The following PEPD variants were observed in gnomAD, a reference collection of about 807,000 sequenced individuals.
PEPD encodes the protein peptidase D, also known as xaa-Pro dipeptidase.
In PEPD, 53 loss-of-function variants were observed where a neutral mutation model predicts 60.7. The ratio of observed to expected loss-of-function variants is 0.87; its 90% CI spans 0.70 to 1.10. The LOEUF is 1.10. Among genes scored for constraint, PEPD ranks in the 50% least tolerant of loss-of-function variants. PEPD has a pLI of 0.00. For missense variants in PEPD, 711 were observed against 711.9 expected, an observed-to-expected ratio of 1.00 and a Z score of 0.01; for synonymous variants, 267 against 284.1, an observed-to-expected ratio of 0.94 and a Z score of 0.60.
intron 12 of PEPD, among the ~76,000 whole-genome samples, chr19:33,394,395 C>T (rs555344416): frequency 1.4e-4 from 21 of 152,340 alleles, no homozygotes; most frequent in South Asian, 1.0e-3. Context: ...CCAGATGTGC[C>T]GGCCCGGGGG....
At chr19:33,432,576 T>C (rs76505814) in intron 9 of PEPD, among the ~76,000 whole-genome samples, 13,727 of 152,244 alleles carry the variant, frequency 0.09, 651 homozygotes, top group Middle Eastern at 0.13. Context: ...AAAAACATGA[T>C]AGCTCTCTCC....
intron 9 of PEPD, among the ~76,000 whole-genome samples, chr19:33,435,247 G>T (rs894770089): frequency 6.6e-6 from 1 of 151,760 alleles, no homozygotes; most frequent in Non-Finnish European, 1.5e-5. Context: ...CTGGGCCGGC[G>T]TCTGATCCCG....
intron 3 of PEPD, among the ~76,000 whole-genome samples, chr19:33,507,116 C>T (rs1970829221): frequency 6.6e-6 from 1 of 152,182 alleles, no homozygotes; most frequent in Non-Finnish European, 1.5e-5. Context: ...ATCTCTCACA[C>T]AAGATGTGGG....
At chr19:33,440,767 T>C (rs561084257) in intron 9 of PEPD, among the ~76,000 whole-genome samples, 1 of 152,354 alleles carries the variant, frequency 6.6e-6, no homozygotes, top group East Asian at 1.9e-4. Context: ...ATTTGACTGA[T>C]TTCCCCTCTA....
At chr19:33,429,446 T>C (rs920620928) in intron 9 of PEPD, among the ~76,000 whole-genome samples, 1 of 152,278 alleles carries the variant, frequency 6.6e-6, no homozygotes, top group Non-Finnish European at 1.5e-5. Context: ...GTTTATATAT[T>C]ATTCTTAAAT....
intron 9 of PEPD, among the ~76,000 whole-genome samples, chr19:33,442,695 C>T (rs1011201696): frequency 6.6e-5 from 10 of 151,248 alleles, no homozygotes; most frequent in East Asian, 1.9e-4. Context: ...GGCAACAGAG[C>T]GAGACTCCAT....
intron 3 of PEPD, among the ~76,000 whole-genome samples, chr19:33,508,214 C>A (rs1970849637): frequency 6.6e-6 from 1 of 152,160 alleles, no homozygotes; most frequent in Non-Finnish European, 1.5e-5. Flanking sequence ...GCAGTGAGGG[C>A]CATGAGGAGG....
chr19:33,424,358 C>A (rs1969097389), intron 9 of PEPD, among the ~76,000 whole-genome samples: 1 of 152,236 alleles, frequency 6.6e-6, no homozygotes, highest in African/African-American at 2.4e-5. Flanking sequence ...GTGTTTGGCA[C>A]CTTGAGCCAG....
At chr19:33,415,874 A>G (rs1968878324) in intron 9 of PEPD, among the ~76,000 whole-genome samples, 1 of 152,256 alleles carries the variant, frequency 6.6e-6, no homozygotes, top group Non-Finnish European at 1.5e-5. Context: ...AATGCTTCAC[A>G]GTGGACTTCA....
At chr19:33,401,202 T>C (rs926691119) in intron 12 of PEPD, among the ~76,000 whole-genome samples, 3 of 152,238 alleles carry the variant, frequency 2.0e-5, no homozygotes, top group Non-Finnish European at 4.4e-5. Context: ...TGCAGGGCAC[T>C]ACCACAGGCC....
chr19:33,490,356 GC>G (rs1970475423), intron 5 of PEPD, among the ~76,000 whole-genome samples: 1 of 152,238 alleles, frequency 6.6e-6, no homozygotes, highest in Non-Finnish European at 1.5e-5. Flanking sequence ...CAGCCAGGCT[GC>G]CCAGGCACAG....
intron 9 of PEPD, among the ~76,000 whole-genome samples, chr19:33,447,546 A>G (rs1568476486): frequency 6.6e-6 from 1 of 152,208 alleles, no homozygotes. Flanking sequence ...GAGGCCTGTC[A>G]CTGACATGGG....
At chr19:33,464,093 C>A in intron 7 of PEPD, 31 bp from the exon 8 acceptor site, 1 of 1,531,702 alleles carries the variant, frequency 6.5e-7, no homozygotes. Flanking sequence ...AGCAGCAAAT[C>A]AGTGACTTTC....
At chr19:33,407,101 A>T (rs1968645639) in intron 11 of PEPD, among the ~76,000 whole-genome samples, 1 of 152,194 alleles carries the variant, frequency 6.6e-6, no homozygotes, top group Admixed American at 6.5e-5. Context: ...ATCCTGGGAC[A>T]CGTGCTCTAG....
At chr19:33,472,085 T>C (rs1173136600) in intron 7 of PEPD, among the ~76,000 whole-genome samples, 1 of 149,774 alleles carries the variant, frequency 6.7e-6, no homozygotes, top group East Asian at 2.0e-4. Flanking sequence ...CGCTTGAACC[T>C]GGGAGGCGGA....
intron 9 of PEPD, 175 bp downstream of exon 9, chr19:33,462,820 G>C (rs1194076556): frequency 3.0e-6 from 2 of 672,354 alleles, no homozygotes; most frequent in African/African-American, 3.6e-5. Context: ...CCAAGAGCCA[G>C]GGAGGCGGGC....
At chr19:33,399,085 G>A (rs55933941) in intron 12 of PEPD, among the ~76,000 whole-genome samples, 11,361 of 152,242 alleles carry the variant, frequency 0.075, 489 homozygotes, top group Middle Eastern at 0.12. Flanking sequence ...CTAGGTTCAA[G>A]CGATTCGATT....
At chr19:33,411,917 T>C (rs368600775) in intron 10 of PEPD, among the ~76,000 whole-genome samples, 168 bp from the exon 11 acceptor site, 3 of 152,320 alleles carry the variant, frequency 2.0e-5, no homozygotes, top group East Asian at 3.9e-4. Flanking sequence ...CCGGGGGACA[T>C]GGTGGCCCTG....
intron 9 of PEPD, among the ~76,000 whole-genome samples, chr19:33,420,821 A>G (rs1393878741): frequency 1.3e-5 from 2 of 152,138 alleles, no homozygotes; most frequent in Non-Finnish European, 2.9e-5. Context: ...GACACAGCAC[A>G]ATGGCCCAGC....
Sources: gnomAD v4.1 joint callset for allele counts (sites outside exome capture counted in the v4.1 genomes callset) on GRCh38, gnomAD v4.1.1 for gene constraint, MANE v1.5 for transcripts, NCBI Gene and HGNC (gene_info 2026-07-23, HGNC 2026-07-21) for gene names.